The following FUBP1 variants were observed in gnomAD, a reference collection of about 807,000 sequenced individuals.
FUBP1 encodes far upstream element binding protein 1.
A neutral mutation model predicts 94.9 loss-of-function variants in FUBP1; 16 were observed. The ratio of observed to expected loss-of-function variants is 0.17; its 90% CI spans 0.11 to 0.26. The LOEUF is 0.26. FUBP1 is among the 10% of genes least tolerant of loss of function. FUBP1 has a pLI of 1.00. For missense variants in FUBP1, 583 were observed against 808.6 expected (o/e 0.72, Z 3.38); for synonymous variants, 279 against 254.9 (o/e 1.09, Z -0.90).
Position 77,971,112 on chromosome 1 carries a change from C to T in FUBP1, c.121-1097G>A, listed in dbSNP as rs528968647. ...ACAAGTAGGGCACAATCAGCAGATA[C>T]TTACTGAATTTTTCTATAAAAGGAC... On this transcript the variant is annotated intron_variant, in intron 1 of 19. Coordinates refer to ENST00000370768, the MANE Select transcript of FUBP1 (RefSeq NM_003902.5). 3.2e-4 allele frequency among the ~76,000 whole-genome samples: 49 copies of T among 151,466 alleles called. No homozygotes were observed. The South Asian group carries it at 8.7e-3, about 27-fold the overall frequency.
At position 77,944,843 on chromosome 1, in the gene FUBP1, AT is replaced by A. The variant is rs756648954; in HGVS notation, c.*3922del. Among the ~76,000 whole-genome samples the A allele has an allele frequency of 1.7e-3, 258 of 152,104 alleles. 1 individual carries two copies. Among genetic ancestry groups the A allele is most frequent in the Non-Finnish European group, 3.3e-3 (221 of 67,872 alleles). ...AATTACTAGTTTTAGTATTAAAACC[AT>A]TTTTTATATTAAAAAATAAAACTAT... is the stretch of plus-strand genomic sequence containing the variant. On this transcript the variant is annotated 3_prime_UTR_variant, in exon 20 of 20. Coordinates refer to ENST00000370768, the MANE Select transcript of FUBP1 (RefSeq NM_003902.5).
At chr1:77,974,299 A>G (rs1398215542) in intron 1 of FUBP1, among the ~76,000 whole-genome samples, 1 of 151,626 alleles carries the variant, frequency 6.6e-6, no homozygotes, top group Non-Finnish European at 1.5e-5. Flanking sequence ...CTCCCGGCTA[A>G]TTTTTTGTAT....
chr1:77,954,224 T>C (rs935301890), intron 18 of FUBP1, among the ~76,000 whole-genome samples: 3 of 152,206 alleles, frequency 2.0e-5, no homozygotes, highest in Admixed American at 6.5e-5. Context: ...ATTAATAGCA[T>C]CCCTATTCAT....
At chr1:77,957,480 C>T (rs527433309) in intron 16 of FUBP1, among the ~76,000 whole-genome samples, 1 of 152,192 alleles carries the variant, frequency 6.6e-6, no homozygotes, top group Non-Finnish European at 1.5e-5. Context: ...TTGACTGACC[C>T]TCACTCATCT....
In FUBP1 at chr1:77,960,251, G is replaced by A. The variant is rs750733399; in HGVS notation, c.1509C>T (p.Ala503=). The part of the protein sequence containing the change: ...PPGPAPHGPP[A]PYAPQGWGNA... ...TTCCCCATCCCTGGGGAGCATATGG[G>A]GCTGGAGGACCACTGAAAAGAAAAA... is the stretch of plus-strand genomic sequence containing the variant. The change falls in exon 16 of 20, where the codon GCC becomes GCT. Residue 503 remains alanine (A), a synonymous_variant. Coordinates refer to ENST00000370768, the MANE Select transcript of FUBP1 (RefSeq NM_003902.5). 7.4e-6 allele frequency: 12 copies of A among 1,613,062 alleles called. No homozygotes were observed. The highest frequency in any genetic ancestry group is 4.0e-5 in the African/African-American group (3 of 74,852).
At chr1:77,954,650 T>C (rs1485203132) in intron 18 of FUBP1, among the ~76,000 whole-genome samples, 2 of 152,206 alleles carry the variant, frequency 1.3e-5, no homozygotes, top group Non-Finnish European at 2.9e-5. Context: ...TTTCTGCTAG[T>C]GAAGGATAAC....
intron 18 of FUBP1, among the ~76,000 whole-genome samples, chr1:77,952,651 T>C (rs1653696285): frequency 6.6e-6 from 1 of 152,244 alleles, no homozygotes; most frequent in Non-Finnish European, 1.5e-5. Flanking sequence ...AACCAAGTTT[T>C]ATGCTTTAAG....
chr1:77,964,409 T>TAA, intron 10 of FUBP1, 53 bp from the exon 11 acceptor site: 1 of 1,110,170 alleles, frequency 9.0e-7, no homozygotes, highest in Non-Finnish European at 1.3e-6. Flanking sequence ...GGGTTTAAAG[T>TAA]AAAAAAAAGT....
At chr1:77,961,590 T>G (rs1236277605) in intron 14 of FUBP1, among the ~76,000 whole-genome samples, 1 of 152,182 alleles carries the variant, frequency 6.6e-6, no homozygotes, top group Non-Finnish European at 1.5e-5. Flanking sequence ...CAGAAAAGCC[T>G]GAGTAACTTC....
Position 77,968,214 on chromosome 1 carries a change from A to C in FUBP1, c.212-11T>G, listed in dbSNP as rs1353572603. The C allele has an allele frequency of 2.0e-6, 3 of 1,525,228 alleles. No individual in the cohort carries two copies. The highest frequency in any genetic ancestry group is 2.6e-6 in the Non-Finnish European group (3 of 1,135,950). 94.5% of individuals were successfully genotyped at this position (1,525,228 alleles called of 1,614,324 possible). A position where few individuals can be genotyped will look rare whatever the true frequency, so the allele number is the denominator to read the frequency against. On this transcript the variant is annotated splice_polypyrimidine_tract_variant and intron_variant, in intron 2 of 19. Coordinates refer to ENST00000370768, the MANE Select transcript of FUBP1 (RefSeq NM_003902.5). ...TAGCATCTGGTTGATCTGCAAAATTAAGTGTCTTTTAATTTTTTGCCAATT... is the reference window on the plus strand; with the variant it reads ...TAGCATCTGGTTGATCTGCAAAATTCAGTGTCTTTTAATTTTTTGCCAATT...
chr1:77,948,448 A>G lies in FUBP1; in HGVS notation c.*318T>C. 8 of 1,145,748 alleles carry G rather than the reference A, an allele frequency of 7.0e-6. No individual in the cohort carries two copies. Among genetic ancestry groups the G allele is most frequent in the Non-Finnish European group, 8.6e-6 (8 of 931,038 alleles). 71.0% of individuals were successfully genotyped at this position (1,145,748 alleles called of 1,614,324 possible). On this transcript the variant is annotated 3_prime_UTR_variant, in exon 20 of 20. Coordinates refer to ENST00000370768, the MANE Select transcript of FUBP1 (RefSeq NM_003902.5). ...TTGTAAAGCACAAAACAGGCATTTTAAAAGTGAAAGTATACATTGAAAAAG... is the reference window on the plus strand; with the variant it reads ...TTGTAAAGCACAAAACAGGCATTTTGAAAGTGAAAGTATACATTGAAAAAG...
At chr1:77,971,265 G>A (rs1167005843) in intron 1 of FUBP1, among the ~76,000 whole-genome samples, 2 of 152,174 alleles carry the variant, frequency 1.3e-5, no homozygotes, top group African/African-American at 4.8e-5. Context: ...ATGGGCTCAT[G>A]AGAATTTATT....
At chr1:77,975,122 TC>T (rs1658356713) in intron 1 of FUBP1, among the ~76,000 whole-genome samples, 1 of 152,236 alleles carries the variant, frequency 6.6e-6, no homozygotes. Context: ...ATATTTCTGA[TC>T]CATGGTTGGC....
chr1:77,963,682 G>A lies in FUBP1; in HGVS notation c.1075C>T (p.Arg359Ter), dbSNP rs1482684209. The A allele has an allele frequency of 6.2e-7, 1 of 1,611,268 alleles. No individual in the cohort carries two copies. Among genetic ancestry groups the A allele is most frequent in the Admixed American group, 1.7e-5 (1 of 59,936 alleles). The part of the protein sequence containing the change: ...GNPGGPGPGG[R>*]GRGRGQGNWN... ...TTGCCTTGACCTCTACCTCTTCCTCGACCACCAGGTCCAGGTCCACCAGGA... is the reference window on the plus strand; with the variant it reads ...TTGCCTTGACCTCTACCTCTTCCTCAACCACCAGGTCCAGGTCCACCAGGA... The change falls in exon 13 of 20, where the codon CGA becomes TGA. Residue 359 changes from arginine (R) to a stop codon, truncating the protein, a stop_gained. Coordinates refer to ENST00000370768, the MANE Select transcript of FUBP1 (RefSeq NM_003902.5). LOFTEE classifies it high-confidence loss of function.
chr1:77,960,659 C>G (rs910010467), intron 14 of FUBP1, 164 bp from the exon 15 acceptor site: 7 of 536,964 alleles, frequency 1.3e-5, no homozygotes, highest in Non-Finnish European at 2.0e-5. Flanking sequence ...TTTCATCTGC[C>G]ATAATAATGA....
intron 1 of FUBP1, among the ~76,000 whole-genome samples, chr1:77,974,640 G>A (rs1013328534): frequency 2.0e-5 from 3 of 152,090 alleles, no homozygotes; most frequent in African/African-American, 7.2e-5. Context: ...GCCCAGTCTT[G>A]CACTAATTTA....
At chr1:77,958,354 C>G (rs1654851009) in intron 16 of FUBP1, among the ~76,000 whole-genome samples, 1 of 152,172 alleles carries the variant, frequency 6.6e-6, no homozygotes, top group African/African-American at 2.4e-5. Context: ...CTTGACATCT[C>G]ACAATTAGTA....
chr1:77,955,759 TG>T (rs1654339360), intron 17 of FUBP1, among the ~76,000 whole-genome samples: 1 of 151,352 alleles, frequency 6.6e-6, no homozygotes, highest in Non-Finnish European at 1.5e-5. Flanking sequence ...TAGGTATGCA[TG>T]TATGTAAATA....
At chr1:77,958,527 C>T (rs1654891917) in intron 16 of FUBP1, among the ~76,000 whole-genome samples, 1 of 152,178 alleles carries the variant, frequency 6.6e-6, no homozygotes, top group Non-Finnish European at 1.5e-5. Flanking sequence ...GCAATATCCA[C>T]CCCCAGGGAC....
Sources: allele counts gnomAD v4.1 joint callset (sites outside exome capture counted in the v4.1 genomes callset), GRCh38; gene constraint gnomAD v4.1.1; transcripts MANE v1.5; gene names NCBI Gene and HGNC (gene_info 2026-07-23, HGNC 2026-07-21).